IL21R: variants seen among roughly 807,000 people sequenced by gnomAD.
IL21R encodes the protein interleukin-21 receptor.
Under a neutral mutation model 41.3 loss-of-function variants are expected in IL21R, and 14 were observed. The observed-to-expected ratio is 0.34, with a 90% CI of 0.22 to 0.53. IL21R has a LOEUF of 0.53. Ranked by LOEUF, IL21R falls within the 20% of genes least tolerant of loss-of-function variation. The pLI, the probability that IL21R is intolerant of heterozygous loss-of-function variation, is 0.94. For synonymous variants in IL21R, 286 were observed against 287.6 expected, an observed-to-expected ratio of 0.99 and a Z score of 0.05; for missense variants, 588 against 681.6, an observed-to-expected ratio of 0.86 and a Z score of 1.53.
At chr16:27,429,313 A>T (rs1567363795) in intron 1 of IL21R, among the ~76,000 whole-genome samples, 1 of 152,084 alleles carries the variant, frequency 6.6e-6, no homozygotes, top group African/African-American at 2.4e-5. Context: ...TCCTCAGCAG[A>T]TCCCCCTTTC....
chr16:27,422,988 G>T (rs944719639), intron 1 of IL21R, among the ~76,000 whole-genome samples: 2 of 152,082 alleles, frequency 1.3e-5, no homozygotes, highest in African/African-American at 4.8e-5. Context: ...TAAATAGCTG[G>T]GTACTCACCA....
intron 1 of IL21R, chr16:27,403,358 C>T (rs1458053686): frequency 7.7e-5 from 61 of 795,648 alleles, no homozygotes; most frequent in South Asian, 1.5e-4. Flanking sequence ...TAGGACTTGC[C>T]GCAGGAATGA....
intron 1 of IL21R, among the ~76,000 whole-genome samples, chr16:27,418,019 T>A (rs1415147741): frequency 8.6e-5 from 6 of 69,574 alleles, no homozygotes; most frequent in Non-Finnish European, 1.2e-4. Context: ...TTATTTATTT[T>A]ATTTTATTTT....
intron 3 of IL21R, 120 bp downstream of exon 3, chr16:27,434,569 G>A (rs1341321820): frequency 3.0e-6 from 2 of 663,460 alleles, no homozygotes; most frequent in South Asian, 1.8e-5. Flanking sequence ...CAACCACTCA[G>A]GGCTCACAGG....
chr16:27,424,974 G>A (rs548994627), intron 1 of IL21R, among the ~76,000 whole-genome samples: 9 of 152,214 alleles, frequency 5.9e-5, no homozygotes, highest in African/African-American at 2.2e-4. Flanking sequence ...GAGGCGCCAC[G>A]CACTTCTGAA....
intron 2 of IL21R, among the ~76,000 whole-genome samples, chr16:27,433,193 A>G (rs2087204938): frequency 6.6e-6 from 1 of 152,214 alleles, no homozygotes; most frequent in South Asian, 2.1e-4. Context: ...AAGGTCAGGC[A>G]CGATGGCTCA....
intron 5 of IL21R, 105 bp downstream of exon 5, chr16:27,443,221 C>A: frequency 1.8e-6 from 2 of 1,086,184 alleles, no homozygotes; most frequent in Non-Finnish European, 2.6e-6. Context: ...CATTCATGGC[C>A]AAGAACAGAG....
At chr16:27,448,249 G>A (rs2087519373) in intron 8 of IL21R, 1 of 356,582 alleles carries the variant, frequency 2.8e-6, no homozygotes, top group African/African-American at 2.1e-5. Flanking sequence ...GACGTCAGGA[G>A]TTCAAGATCA....
chr16:27,420,914 G>T (rs1344033068), intron 1 of IL21R, among the ~76,000 whole-genome samples: 1 of 151,210 alleles, frequency 6.6e-6, no homozygotes, highest in Non-Finnish European at 1.5e-5. Flanking sequence ...TTACACCTAG[G>T]TTTATTCTAA....
chr16:27,420,130 T>C (rs752540796), intron 1 of IL21R, among the ~76,000 whole-genome samples: 19 of 152,254 alleles, frequency 1.2e-4, no homozygotes, highest in Non-Finnish European at 2.5e-4. Context: ...CCTCAAATGA[T>C]CTGCCTGCCT....
chr16:27,416,837 C>T (rs2141266525), intron 1 of IL21R, among the ~76,000 whole-genome samples: 1 of 152,260 alleles, frequency 6.6e-6, no homozygotes, highest in East Asian at 1.9e-4. Flanking sequence ...ATGGATCTGC[C>T]AATGCTGGAC....
At chr16:27,425,016 C>G (rs1165422190) in intron 1 of IL21R, among the ~76,000 whole-genome samples, 1 of 152,150 alleles carries the variant, frequency 6.6e-6, no homozygotes, top group Non-Finnish European at 1.5e-5. Context: ...CACTCATCAC[C>G]AAGCGGATGG....
intron 1 of IL21R, among the ~76,000 whole-genome samples, chr16:27,420,088 C>T (rs1233309203): frequency 6.6e-6 from 1 of 151,996 alleles, no homozygotes; most frequent in Admixed American, 6.6e-5. Flanking sequence ...CGGGGTTTCA[C>T]CATGTTTGTC....
intron 1 of IL21R, among the ~76,000 whole-genome samples, chr16:27,407,509 G>GA (rs1017014449): frequency 2.4e-4 from 36 of 152,106 alleles, no homozygotes; most frequent in African/African-American, 8.7e-4. Context: ...CCTGATGCAG[G>GA]AAAAAAAGAT....
chr16:27,406,669 C>T (rs969384645), intron 1 of IL21R, among the ~76,000 whole-genome samples: 1 of 151,958 alleles, frequency 6.6e-6, no homozygotes, highest in African/African-American at 2.4e-5. Context: ...ACACCCATAA[C>T]CCACCCCTTG....
intron 1 of IL21R, among the ~76,000 whole-genome samples, chr16:27,408,312 C>T (rs2086778336): frequency 6.6e-6 from 1 of 152,218 alleles, no homozygotes; most frequent in Non-Finnish European, 1.5e-5. Context: ...GTGGCTAAAA[C>T]AGCACATGCA....
chr16:27,405,452 A>G (rs1436008762), intron 1 of IL21R, among the ~76,000 whole-genome samples: 1 of 152,262 alleles, frequency 6.6e-6, no homozygotes, highest in East Asian at 1.9e-4. Flanking sequence ...AAGAGCTCTT[A>G]TGATGATTCT....
chr16:27,412,082 G>A (rs1296009073), intron 1 of IL21R, among the ~76,000 whole-genome samples: 11 of 151,998 alleles, frequency 7.2e-5, no homozygotes, highest in Admixed American at 5.2e-4. Context: ...CTTATGTTTG[G>A]GTCTTTAACC....
chr16:27,449,535 G>C lies in IL21R; in HGVS notation c.*252G>C. The C allele has an allele frequency of 1.8e-6, 1 of 553,526 alleles. No individual in the cohort carries two copies. The highest frequency in any genetic ancestry group is 3.2e-6 in the Non-Finnish European group (1 of 312,894). 34.3% of individuals were successfully genotyped at this position (553,526 alleles called of 1,614,324 possible). On this transcript the variant is annotated 3_prime_UTR_variant, in exon 9 of 9. Coordinates refer to ENST00000337929, the MANE Select transcript of IL21R (RefSeq NM_181078.3). ...TGTGATTGCACGTGCCTGTGGGCCT[G>C]GGATAATGCCCATGGTACTCCATGC...
Sources: allele counts gnomAD v4.1 joint callset (sites outside exome capture counted in the v4.1 genomes callset), GRCh38; gene constraint gnomAD v4.1.1; transcripts MANE v1.5; gene names NCBI Gene and HGNC (gene_info 2026-07-23, HGNC 2026-07-21).